Variants in INSL6 observed in about 807,000 individuals in gnomAD.
INSL6 encodes the protein insulin like 6.
INSL6 carries 16 observed loss-of-function variants against 9.4 expected under a neutral mutation model. The observed-to-expected ratio is 1.70, with a 90% confidence interval of 1.15 to 2.59. INSL6 has a LOEUF of 2.59. Ranked by LOEUF, INSL6 falls within the 30% of genes most tolerant of loss-of-function variation. The pLI, the probability that INSL6 is intolerant of heterozygous loss-of-function variation, is 0.00. For missense variants in INSL6, 391 were observed against 257.3 expected (o/e 1.52, Z -3.56); for synonymous variants, 154 against 96.9 (o/e 1.59, Z -3.46).
intron 3 of INSL6, among the ~76,000 whole-genome samples, chr9:5,125,690 G>C (rs1167839778): frequency 1.2e-5 from 1 of 82,010 alleles, no homozygotes; most frequent in African/African-American, 7.4e-5. Flanking sequence ...TTGCCAAGTT[G>C]ATAGGGGAGA....
At chr9:5,110,948 C>T in the INSL6 span, 3 of 589,948 alleles carry the variant, frequency 5.1e-6, no homozygotes, top group African/African-American at 1.9e-5. Context: ...TCCGTGGACA[C>T]GGACAAGGAG....
At chr9:5,123,037 T>C (rs753783599), downstream of INSL6, 4 of 1,611,542 alleles carry the variant, frequency 2.5e-6, no homozygotes, top group Admixed American at 1.7e-5. Context: ...AGAGCAAGTT[T>C]TCTGTGGCCT....
intron 1 of INSL6, among the ~76,000 whole-genome samples, chr9:5,165,192 C>T (rs1277941732): frequency 1.3e-5 from 2 of 152,166 alleles, no homozygotes; most frequent in East Asian, 3.9e-4. Context: ...GTCTAGGTGA[C>T]AGAGCAAGAC....
At chr9:5,081,236 T>C in the INSL6 span, among the ~76,000 whole-genome samples, 1 of 148,968 alleles carries the variant, frequency 6.7e-6, no homozygotes, top group Non-Finnish European at 1.5e-5. Context: ...TAGTTTTCCA[T>C]TTAGTGAGTT....
Position 5,185,493 on chromosome 9 carries a change from A to T in INSL6, c.110T>A (p.Leu37Ter). The T allele has an allele frequency of 6.2e-7, 1 of 1,614,130 alleles. No homozygotes were observed. Among genetic ancestry groups the T allele is most frequent in the Non-Finnish European group, 8.5e-7 (1 of 1,180,014 alleles). ...GCAGAGTTTTTCTATTTCTTTCACCAAGTACCTGCCGCACAGCTTCCTGGC... is the reference window on the plus strand; with the variant it reads ...GCAGAGTTTTTCTATTTCTTTCACCTAGTACCTGCCGCACAGCTTCCTGGC... ...SSARKLCGRY[L>*]VKEIEKLCGH... Residue 37 changes from leucine to a stop codon, truncating the protein, a stop_gained, in exon 1 of 2, where the codon TTG (leucine) becomes TAG (stop). Transcript: ENST00000381641. LOFTEE classifies it high-confidence loss of function.
the INSL6 span, chr9:5,064,979 A>G: frequency 6.2e-7 from 1 of 1,611,220 alleles, no homozygotes; most frequent in Non-Finnish European, 8.5e-7. Context: ...TTACCTCTGT[A>G]AAGAAGTAGC....
chr9:5,114,626 C>A, the INSL6 span: 1 of 483,600 alleles, frequency 2.1e-6, no homozygotes. Context: ...AGCTCCCGGA[C>A]ACTTGGCACA....
the INSL6 span, chr9:5,098,128 T>G: frequency 6.6e-6 from 1 of 152,184 alleles, no homozygotes; most frequent in African/African-American, 2.4e-5. Flanking sequence ...AACCATCTAG[T>G]AATTTAGAGT....
the INSL6 span, among the ~76,000 whole-genome samples, chr9:5,104,087 T>C: frequency 5.5e-4 from 84 of 152,134 alleles, no homozygotes; most frequent in Admixed American, 2.0e-3. Flanking sequence ...CTGAAGGAGA[T>C]AGAGACACAA....
intron 2 of INSL6, among the ~76,000 whole-genome samples, chr9:5,144,431 G>C (rs922838954): frequency 6.6e-6 from 1 of 151,992 alleles, no homozygotes; most frequent in African/African-American, 2.4e-5. Flanking sequence ...TTACGTAATT[G>C]CTTTTAGAGT....
intron 1 of INSL6, 48 bp downstream of exon 1, chr9:5,185,266 A>C (rs777439336): frequency 6.2e-7 from 1 of 1,611,484 alleles, no homozygotes; most frequent in Admixed American, 1.7e-5. Flanking sequence ...ATGCAGGAAT[A>C]AGAAATATAC....
chr9:5,038,500 A>G, the INSL6 span, among the ~76,000 whole-genome samples: 2 of 152,202 alleles, frequency 1.3e-5, no homozygotes, highest in Non-Finnish European at 2.9e-5. Flanking sequence ...TGTTGTAGGT[A>G]GAAAATCAAC....
At chr9:5,031,883 G>A in the INSL6 span, among the ~76,000 whole-genome samples, 3 of 152,332 alleles carry the variant, frequency 2.0e-5, no homozygotes, top group Middle Eastern at 3.4e-3. Flanking sequence ...TACCGGGTTC[G>A]TCTCACTGGG....
the INSL6 span, among the ~76,000 whole-genome samples, chr9:5,017,335 C>G: frequency 6.6e-6 from 1 of 152,128 alleles, no homozygotes; most frequent in Non-Finnish European, 1.5e-5. Context: ...ACAAAACAAT[C>G]CAAAGTCAGT....
At chr9:5,011,786 A>T in the INSL6 span, among the ~76,000 whole-genome samples, 1 of 152,210 alleles carries the variant, frequency 6.6e-6, no homozygotes, top group East Asian at 1.9e-4. Context: ...AGTTAAATTT[A>T]CTAGCAGACC....
At chr9:5,169,002 T>G (rs1456039323) in intron 1 of INSL6, among the ~76,000 whole-genome samples, 1 of 152,010 alleles carries the variant, frequency 6.6e-6, no homozygotes, top group African/African-American at 2.4e-5. Flanking sequence ...CTCGGCTCAC[T>G]GCAACCTCGG....
At chr9:5,126,580 G>A in intron 3 of INSL6, 2 of 947,492 alleles carry the variant, frequency 2.1e-6, no homozygotes, top group Middle Eastern at 2.2e-4. Context: ...TGTGGAACAA[G>A]GCATGGTTAT....
the INSL6 span, among the ~76,000 whole-genome samples, chr9:5,115,725 G>GCAGC: frequency 6.6e-6 from 1 of 152,194 alleles, no homozygotes. Context: ...GGAATACTAT[G>GCAGC]CAGCCATAAA....
chr9:5,118,848 A>C, the INSL6 span, among the ~76,000 whole-genome samples: 1 of 152,194 alleles, frequency 6.6e-6, no homozygotes, highest in African/African-American at 2.4e-5. Flanking sequence ...CAATTTTATT[A>C]AAAGCAGAGA....
Sources: allele counts gnomAD v4.1 joint callset (sites outside exome capture counted in the v4.1 genomes callset), GRCh38; gene constraint gnomAD v4.1.1; transcripts MANE v1.5; gene names NCBI Gene and HGNC (gene_info 2026-07-23, HGNC 2026-07-21).